SHISAL1: variants seen among roughly 807,000 people sequenced by gnomAD.
SHISAL1 encodes protein shisa-like-1.
In SHISAL1, 9 loss-of-function variants were observed where a neutral mutation model predicts 22.6. The observed-to-expected ratio is 0.40, with a 90% CI of 0.24 to 0.70. The LOEUF (loss-of-function observed/expected upper bound fraction) is 0.70. Ranked by LOEUF, SHISAL1 falls within the 30% of genes least tolerant of loss-of-function variation. The pLI is 0.39. For missense variants in SHISAL1, 246 were observed against 270.6 expected (o/e 0.91, Z 0.64); for synonymous variants, 119 against 115.4 (o/e 1.03, Z -0.20).
In SHISAL1 at chr22:44,249,225, A is replaced by ACACACG. The variant is rs1176835190; in HGVS notation, c.*454_*459dup. On this transcript the variant is annotated 3_prime_UTR_variant, in exon 5 of 5. Coordinates refer to ENST00000381176, the MANE Select transcript of SHISAL1 (RefSeq NM_001099294.2). Reference sequence around the variant, plus strand: ...AAACAAAAAGAACACCCCAAATCACACACACGCACACACACACGCACATTC... The same window carrying ACACACG: ...AAACAAAAAGAACACCCCAAATCACACACACGCACACGCACACACACACGCACATTC... The ACACACG allele has an allele frequency of 4.5e-5, 7 of 153,974 alleles. No individual in the cohort carries two copies. The highest frequency in any genetic ancestry group is 1.0e-4 in the Non-Finnish European group (7 of 69,378). 9.5% of individuals were successfully genotyped at this position (153,974 alleles called of 1,614,324 possible).
At chr22:44,327,289 T>C in the SHISAL1 span, among the ~76,000 whole-genome samples, 19 of 148,476 alleles carry the variant, frequency 1.3e-4, no homozygotes, top group Admixed American at 6.7e-5. Flanking sequence ...CACGTGCGCG[T>C]ACACCAGAGA....
At chr22:44,302,361 G>C (rs950467942) in intron 1 of SHISAL1, among the ~76,000 whole-genome samples, 1 of 150,240 alleles carries the variant, frequency 6.7e-6, no homozygotes, top group South Asian at 2.1e-4. Flanking sequence ...AAAAAAAAAG[G>C]AGCGGGGAGG....
intron 4 of SHISAL1, among the ~76,000 whole-genome samples, chr22:44,263,024 C>T (rs567199316): frequency 1.3e-5 from 2 of 150,558 alleles, no homozygotes; most frequent in Non-Finnish European, 2.9e-5. Context: ...TTGGTGCTGA[C>T]GGTATGCATG....
chr22:44,296,137 G>GTCCC lies in SHISAL1; in HGVS notation c.281+531_281+534dup, dbSNP rs374068734. ...TAACCCTGCAAAGTGAGTATTCTGT[G>GTCCC]TCCCTCCCTCCCTCCCTCCCTCTTT... On this transcript the variant is annotated intron_variant, in intron 3 of 4. Coordinates refer to ENST00000381176, the MANE Select transcript of SHISAL1 (RefSeq NM_001099294.2). 6.6e-5 allele frequency among the ~76,000 whole-genome samples: 10 copies of GTCCC among 151,760 alleles called. No individual in the cohort carries two copies. In the South Asian group the frequency reaches 8.3e-4, roughly 13 times the overall value.
At chr22:44,327,208 C>G in the SHISAL1 span, among the ~76,000 whole-genome samples, 1 of 151,854 alleles carries the variant, frequency 6.6e-6, no homozygotes, top group South Asian at 2.1e-4. Context: ...ACCCTGCCCA[C>G]CCCCTTGAGG....
intron 4 of SHISAL1, among the ~76,000 whole-genome samples, chr22:44,275,829 A>G (rs914982754): frequency 5.9e-5 from 9 of 152,364 alleles, no homozygotes; most frequent in East Asian, 1.9e-4. Flanking sequence ...TGCTTAGCTC[A>G]GCAAGTCCTC....
chr22:44,260,910 G>A (rs1030621265), intron 4 of SHISAL1, among the ~76,000 whole-genome samples: 2 of 151,890 alleles, frequency 1.3e-5, no homozygotes, highest in Admixed American at 1.3e-4. Flanking sequence ...TGTGGCTTCG[G>A]TCACTCCCTG....
chr22:44,303,923 C>A (rs1201039497), intron 1 of SHISAL1, among the ~76,000 whole-genome samples: 1 of 151,962 alleles, frequency 6.6e-6, no homozygotes, highest in Non-Finnish European at 1.5e-5. Flanking sequence ...TCCATCCTGT[C>A]CACGCCAGGT....
intron 4 of SHISAL1, among the ~76,000 whole-genome samples, chr22:44,253,448 T>G (rs2055063120): frequency 6.9e-6 from 1 of 144,978 alleles, no homozygotes; most frequent in Non-Finnish European, 1.5e-5. Flanking sequence ...TTTTTTTTTT[T>G]GAGACAGTGT....
In SHISAL1 at chr22:44,301,060, G is replaced by GGCGGGCA. The variant is rs916449262; in HGVS notation, c.-32-90_-32-84dup. On this transcript the variant is annotated intron_variant, in intron 1 of 4. Coordinates refer to ENST00000381176, the MANE Select transcript of SHISAL1 (RefSeq NM_001099294.2). ...TCCTGCCCACAGCGGGGGACGGGCA[G>GGCGGGCA]GCGGGCAGCGGGCAGGAGAGCGAGT... The GGCGGGCA allele has an allele frequency of 2.3e-4, 209 of 897,686 alleles. No homozygotes were observed. In the African/African-American group the frequency reaches 3.2e-3, roughly 14 times the overall value. The allele number at this position is 897,686 out of a possible 1,614,324, so 55.6% of individuals were successfully genotyped here.
At chr22:44,301,503 G>A (rs572938551) in intron 1 of SHISAL1, among the ~76,000 whole-genome samples, 2 of 152,230 alleles carry the variant, frequency 1.3e-5, no homozygotes, top group African/African-American at 2.4e-5. Flanking sequence ...ACTCAGGAAG[G>A]CTGACAACAC....
At chr22:44,319,400 C>T in the SHISAL1 span, among the ~76,000 whole-genome samples, 1 of 152,246 alleles carries the variant, frequency 6.6e-6, no homozygotes. Flanking sequence ...AGGACTCAGG[C>T]TCTTGGCCTT....
At chr22:44,269,664 A>G (rs1339044402) in intron 4 of SHISAL1, among the ~76,000 whole-genome samples, 1 of 150,508 alleles carries the variant, frequency 6.6e-6, no homozygotes, top group African/African-American at 2.5e-5. Context: ...ACAATGTCAC[A>G]TAGACCCACA....
chr22:44,282,354 C>T (rs924554722), intron 4 of SHISAL1, among the ~76,000 whole-genome samples: 1 of 152,246 alleles, frequency 6.6e-6, no homozygotes, highest in African/African-American at 2.4e-5. Flanking sequence ...CTGCCCCTTG[C>T]CTCCACCTCC....
At chr22:44,263,547 G>A (rs777981961) in intron 4 of SHISAL1, among the ~76,000 whole-genome samples, 5 of 152,214 alleles carry the variant, frequency 3.3e-5, no homozygotes, top group Non-Finnish European at 5.9e-5. Flanking sequence ...CTCTGCTGAC[G>A]CGATGGAGTT....
At position 44,286,815 on chromosome 22, in the gene SHISAL1, C is replaced by G. The variant is rs1435559449; in HGVS notation, c.282-1070G>C. On this transcript the variant is annotated intron_variant, in intron 3 of 4. Coordinates refer to ENST00000381176, the MANE Select transcript of SHISAL1 (RefSeq NM_001099294.2). The stretch of plus-strand genomic sequence containing the variant: ...TGCCACAGCAGCTGGAGCTGCCGAG[C>G]CCTAACAGTGCGTGCCAGGGGCTGT... 3.3e-5 allele frequency among the ~76,000 whole-genome samples: 5 copies of G among 152,208 alleles called. No homozygotes were observed. The South Asian group carries it at 1.0e-3, about 32-fold the overall frequency.
intron 4 of SHISAL1, among the ~76,000 whole-genome samples, chr22:44,267,271 T>C (rs367843971): frequency 3.9e-4 from 59 of 152,122 alleles, no homozygotes; most frequent in African/African-American, 1.3e-3. Context: ...TGCAGTGGTC[T>C]CTCGGGGCAT....
rs2055508894 is a variant in SHISAL1 at position 44,310,227 on chromosome 22, G to A, written c.-33+2524C>T. Among the ~76,000 whole-genome samples, 1 of 152,250 alleles carries A rather than the reference G, an allele frequency of 6.6e-6. No individual in the cohort carries two copies. Among genetic ancestry groups the A allele is most frequent in the African/African-American group, 2.4e-5 (1 of 41,468 alleles). The stretch of plus-strand genomic sequence containing the variant: ...TCGTTTTTGCTCATCTCTATGGGCA[G>A]CACAGGCCTGACACGTAGTAGGCAC... On this transcript the variant is annotated intron_variant, in intron 1 of 4. Transcript: ENST00000381176. This position sits in a 1 kb window ranked among gnomAD's most constrained non-coding sequence, Gnocchi z 4.0.
At chr22:44,331,222 G>C in the SHISAL1 span, among the ~76,000 whole-genome samples, 11 of 151,940 alleles carry the variant, frequency 7.2e-5, no homozygotes, top group Non-Finnish European at 1.6e-4. The surrounding 1 kb of genome is among the most constrained non-coding windows in gnomAD (Gnocchi z 5.2). Context: ...GTCCCGCACG[G>C]TTCCTGCCCC....
Sources: allele counts gnomAD v4.1 joint callset (sites outside exome capture counted in the v4.1 genomes callset), GRCh38; gene constraint gnomAD v4.1.1; non-coding constraint Gnocchi (gnomAD v3.1); transcripts MANE v1.5; gene names NCBI Gene and HGNC (gene_info 2026-07-23, HGNC 2026-07-21).